Variants in AGBL4 observed in about 807,000 individuals in gnomAD.
AGBL4 encodes cytosolic carboxypeptidase 6.
Under a neutral mutation model 66.4 loss-of-function variants are expected in AGBL4, and 58 were observed. The observed-to-expected ratio is 0.87, with a 90% CI of 0.71 to 1.09. The LOEUF (loss-of-function observed/expected upper bound fraction) is 1.09. Ranked by LOEUF, AGBL4 falls within the 50% of genes least tolerant of loss-of-function variation. The probability of loss-of-function intolerance (pLI) is 0.00; values close to 1 mark genes in which losing one functional copy is unlikely to be tolerated. For missense variants in AGBL4, 579 were observed against 631.0 expected, an observed-to-expected ratio of 0.92 and a Z score of 0.88; for synonymous variants, 234 against 222.9, an observed-to-expected ratio of 1.05 and a Z score of -0.44.
chr1:49,016,246 G>A (rs1365578903), intron 5 of AGBL4, among the ~76,000 whole-genome samples: 1 of 152,186 alleles, frequency 6.6e-6, no homozygotes, highest in Non-Finnish European at 1.5e-5. Context: ...GCATGCCAGT[G>A]GGGCTGTCCA....
chr1:49,936,960 T>C (rs961066508), intron 1 of AGBL4, among the ~76,000 whole-genome samples: 10 of 152,142 alleles, frequency 6.6e-5, no homozygotes, highest in Non-Finnish European at 1.5e-4. Context: ...GCTAACATCA[T>C]CATGACAGGA....
intron 2 of AGBL4, among the ~76,000 whole-genome samples, chr1:49,846,681 C>A (rs1646154256): frequency 6.6e-6 from 1 of 152,034 alleles, no homozygotes; most frequent in East Asian, 1.9e-4. Flanking sequence ...CCATTTACAA[C>A]AACTACAAAA....
intron 2 of AGBL4, among the ~76,000 whole-genome samples, chr1:49,811,458 A>G (rs1223915913): frequency 6.6e-6 from 1 of 152,154 alleles, no homozygotes; most frequent in East Asian, 1.9e-4. Flanking sequence ...AATTTTTGTT[A>G]CTTAGACTTT....
intron 2 of AGBL4, among the ~76,000 whole-genome samples, chr1:49,793,928 A>T (rs1316466046): frequency 2.0e-5 from 3 of 151,970 alleles, no homozygotes; most frequent in African/African-American, 7.2e-5. Flanking sequence ...CCAAAAAAGA[A>T]GACTGATTCA....
At chr1:48,967,388 G>A (rs1658534708) in intron 5 of AGBL4, among the ~76,000 whole-genome samples, 1 of 151,992 alleles carries the variant, frequency 6.6e-6, no homozygotes. Context: ...TCAAATCAAT[G>A]AATATTTATT....
intron 3 of AGBL4, among the ~76,000 whole-genome samples, chr1:49,555,184 T>C (rs1446162445): frequency 6.6e-6 from 1 of 152,128 alleles, no homozygotes; most frequent in African/African-American, 2.4e-5. Flanking sequence ...TTGGTCCGTT[T>C]TGACAGGGTG....
At chr1:49,389,666 C>A (rs559201749) in intron 3 of AGBL4, among the ~76,000 whole-genome samples, 1 of 152,184 alleles carries the variant, frequency 6.6e-6, no homozygotes, top group South Asian at 2.1e-4. Flanking sequence ...TAAATGCCAC[C>A]ACAGACTTCT....
At chr1:49,324,016 C>T (rs1411324981) in intron 3 of AGBL4, among the ~76,000 whole-genome samples, 1 of 152,218 alleles carries the variant, frequency 6.6e-6, no homozygotes, top group African/African-American at 2.4e-5. Context: ...ATAACTAACA[C>T]AGTGCCTGAC....
At chr1:49,586,165 A>T (rs1370177207) in intron 3 of AGBL4, among the ~76,000 whole-genome samples, 2 of 152,210 alleles carry the variant, frequency 1.3e-5, no homozygotes, top group Middle Eastern at 3.2e-3. Flanking sequence ...CCCATAAAAA[A>T]CACTGTGTGT....
At chr1:49,270,648 T>C (rs1381375989) in intron 3 of AGBL4, among the ~76,000 whole-genome samples, 2 of 152,074 alleles carry the variant, frequency 1.3e-5, no homozygotes, top group African/African-American at 2.4e-5. Flanking sequence ...TGGGGGATCT[T>C]TAGGATTGCC....
intron 4 of AGBL4, among the ~76,000 whole-genome samples, chr1:49,074,036 G>A (rs1371833363): frequency 6.6e-6 from 1 of 152,174 alleles, no homozygotes; most frequent in Non-Finnish European, 1.5e-5. Context: ...TTTACACTGT[G>A]AGCATAAAAC....
chr1:49,373,471 G>T (rs1304570924), intron 3 of AGBL4, among the ~76,000 whole-genome samples: 2 of 151,978 alleles, frequency 1.3e-5, no homozygotes, highest in Admixed American at 6.6e-5. Context: ...TAAAATGCTA[G>T]AAAATAGGCC....
At chr1:49,181,615 CAA>C (rs1646932373) in intron 4 of AGBL4, among the ~76,000 whole-genome samples, 1 of 152,190 alleles carries the variant, frequency 6.6e-6, no homozygotes, top group Non-Finnish European at 1.5e-5. Flanking sequence ...AAGCAGCACT[CAA>C]GATAAAATTT....
chr1:48,689,712 G>A (rs1241195329), intron 6 of AGBL4, among the ~76,000 whole-genome samples: 1 of 152,140 alleles, frequency 6.6e-6, no homozygotes, highest in East Asian at 1.9e-4. Flanking sequence ...GATGGCCTGT[G>A]ACTTGAGGGG....
intron 6 of AGBL4, among the ~76,000 whole-genome samples, chr1:48,670,070 A>C (rs1351915075): frequency 1.3e-5 from 2 of 152,208 alleles, no homozygotes; most frequent in Non-Finnish European, 2.9e-5. Context: ...ATGACAAAGA[A>C]ATACTCCTGA....
chr1:48,934,276 T>G (rs11205573), intron 5 of AGBL4, among the ~76,000 whole-genome samples: 35,627 of 151,884 alleles, frequency 0.23, 5,200 homozygotes, highest in African/African-American at 0.42. Context: ...CTCATCAGGA[T>G]GTATCCCAAG....
chr1:49,245,693 T>C, intron 4 of AGBL4, 77 bp downstream of exon 4: 1 of 952,720 alleles, frequency 1.0e-6, no homozygotes, highest in African/African-American at 1.7e-5. Flanking sequence ...TGGGGGTCCA[T>C]TAGTAGGTGT....
chr1:49,157,164 C>G (rs1646447817), intron 4 of AGBL4, among the ~76,000 whole-genome samples: 2 of 151,934 alleles, frequency 1.3e-5, no homozygotes, highest in Admixed American at 1.3e-4. Flanking sequence ...ATACACGTGC[C>G]ATGGTGGTTT....
chr1:49,395,736 T>C (rs1303881144), intron 3 of AGBL4, among the ~76,000 whole-genome samples: 1 of 142,942 alleles, frequency 7.0e-6, no homozygotes, highest in African/African-American at 2.6e-5. Flanking sequence ...AATGTGTGTA[T>C]ATATATATAT....
Sources: allele counts gnomAD v4.1 joint callset (sites outside exome capture counted in the v4.1 genomes callset), GRCh38; gene constraint gnomAD v4.1.1; transcripts MANE v1.5; gene names NCBI Gene and HGNC (gene_info 2026-07-23, HGNC 2026-07-21).